The following CDK6 variants were observed in gnomAD, a reference collection of about 807,000 sequenced individuals.
CDK6 encodes the protein cyclin dependent kinase 6.
A neutral mutation model predicts 37.1 loss-of-function variants in CDK6; 6 were observed. The observed-to-expected ratio is 0.16, with a 90% CI of 0.09 to 0.32. CDK6 has a LOEUF of 0.32. CDK6 is among the 10% of genes least tolerant of loss of function. The pLI is 1.00. For synonymous variants in CDK6, 160 were observed against 161.3 expected (o/e 0.99, Z 0.06); for missense variants, 224 against 418.9 (o/e 0.53, Z 4.06).
chr7:92,795,489 A>G (rs1800386857), intron 2 of CDK6, among the ~76,000 whole-genome samples: 1 of 152,178 alleles, frequency 6.6e-6, no homozygotes, highest in Non-Finnish European at 1.5e-5. Context: ...ATGTGTTACA[A>G]TGACAATGTG....
At chr7:92,723,666 C>T (rs1798419235) in intron 4 of CDK6, among the ~76,000 whole-genome samples, 1 of 152,130 alleles carries the variant, frequency 6.6e-6, no homozygotes, top group Admixed American at 6.6e-5. Context: ...AACCGTCACT[C>T]TTTCCAATAA....
chr7:92,682,068 C>T (rs375159508), intron 4 of CDK6, among the ~76,000 whole-genome samples: 8 of 152,112 alleles, frequency 5.3e-5, no homozygotes, highest in East Asian at 1.9e-4. Flanking sequence ...CATCAGATCC[C>T]GACAATTCCA....
chr7:92,713,632 T>A (rs1798152839), intron 4 of CDK6, among the ~76,000 whole-genome samples: 1 of 140,696 alleles, frequency 7.1e-6, no homozygotes. Flanking sequence ...AAATACCAAG[T>A]CAATTTGTTT....
At chr7:92,819,088 T>C (rs573406950) in intron 2 of CDK6, among the ~76,000 whole-genome samples, 1 of 152,142 alleles carries the variant, frequency 6.6e-6, no homozygotes, top group South Asian at 2.1e-4. Context: ...GAAGCATATG[T>C]CATATCAATA....
At chr7:92,768,056 CAGA>C (rs1410242782) in intron 3 of CDK6, among the ~76,000 whole-genome samples, 3 of 152,042 alleles carry the variant, frequency 2.0e-5, no homozygotes, top group Middle Eastern at 6.8e-3. Flanking sequence ...TGGAGAAGGG[CAGA>C]AGAACTAAAA....
chr7:92,832,761 C>T (rs1801523809), intron 2 of CDK6, among the ~76,000 whole-genome samples: 1 of 152,170 alleles, frequency 6.6e-6, no homozygotes, highest in Admixed American at 6.5e-5. Context: ...CTCAGGTTGG[C>T]TTATCCTGTC....
rs573706455 is a variant in CDK6 at position 92,674,314 on chromosome 7, C to A, written c.538-2779G>T. On this transcript the variant is annotated intron_variant, in intron 4 of 7. Transcript: ENST00000424848. ...ACCCTGTTGCAGCACCAGCTGCTAT[C>A]TGAAAATCATACCTTGTAACATAGC... Among the ~76,000 whole-genome samples the A allele has an allele frequency of 2.6e-5, 4 of 152,304 alleles. No individual in the cohort carries two copies. In the East Asian group the frequency reaches 7.7e-4, roughly 29 times the overall value.
chr7:92,771,871 A>G (rs1799726429), intron 3 of CDK6, among the ~76,000 whole-genome samples: 1 of 152,220 alleles, frequency 6.6e-6, no homozygotes. Flanking sequence ...AAATGAGCCT[A>G]TATAACAACA....
intron 3 of CDK6, among the ~76,000 whole-genome samples, chr7:92,745,048 T>C (rs1328761644): frequency 3.3e-5 from 5 of 152,190 alleles, no homozygotes; most frequent in African/African-American, 1.2e-4. Flanking sequence ...TGTGGAATGA[T>C]TAAATCAAGC....
At chr7:92,661,594 A>G (rs189680746) in intron 5 of CDK6, among the ~76,000 whole-genome samples, 182 of 152,316 alleles carry the variant, frequency 1.2e-3, no homozygotes, top group Non-Finnish European at 2.1e-3. Flanking sequence ...ATGAGAAAAT[A>G]TATTTACTAT....
At chr7:92,742,613 C>CTCTT (rs1213747054) in intron 3 of CDK6, among the ~76,000 whole-genome samples, 1 of 152,144 alleles carries the variant, frequency 6.6e-6, no homozygotes, top group African/African-American at 2.4e-5. Context: ...CAACCTTAGA[C>CTCTT]TCTTCATTCA....
chr7:92,625,320 T>C (rs940326924), intron 5 of CDK6, among the ~76,000 whole-genome samples: 1 of 151,294 alleles, frequency 6.6e-6, no homozygotes, highest in Non-Finnish European at 1.5e-5. Context: ...CACAGTGAAG[T>C]AGAAAGGAAG....
chr7:92,720,106 C>G (rs141935686), intron 4 of CDK6, among the ~76,000 whole-genome samples: 2 of 152,248 alleles, frequency 1.3e-5, no homozygotes, highest in Non-Finnish European at 1.5e-5. Flanking sequence ...AAAAAGAAAA[C>G]CAGGAGGCAC....
chr7:92,631,195 T>TAGGG (rs1409764022), intron 5 of CDK6, among the ~76,000 whole-genome samples: 1 of 152,090 alleles, frequency 6.6e-6, no homozygotes, highest in African/African-American at 2.4e-5. Flanking sequence ...GGCCCAGGAA[T>TAGGG]AGGGTAACCA....
intron 2 of CDK6, among the ~76,000 whole-genome samples, chr7:92,827,488 C>T (rs1334569736): frequency 6.6e-6 from 1 of 152,176 alleles, no homozygotes; most frequent in African/African-American, 2.4e-5. Flanking sequence ...CAGGCAAGAG[C>T]AGCTACATGT....
At chr7:92,836,071 A>G (rs1000531085) in intron 1 of CDK6, among the ~76,000 whole-genome samples, 3 of 152,096 alleles carry the variant, frequency 2.0e-5, no homozygotes, top group Non-Finnish European at 4.4e-5. Context: ...GAGTCCCTAG[A>G]GGCAGTGCAT....
At chr7:92,829,954 G>A (rs1417121499) in intron 2 of CDK6, among the ~76,000 whole-genome samples, 3 of 152,202 alleles carry the variant, frequency 2.0e-5, no homozygotes, top group African/African-American at 7.2e-5. Context: ...CCACCTTCTA[G>A]AAGAGTCTGG....
In CDK6 at chr7:92,835,821, G is replaced by A. The variant is rs1020290350; in HGVS notation, c.-368+657C>T. ...CAGGGCTGCTCACTGCGGGGCGTGT[G>A]TTTAACTCCAATATTTTAAATTATA... On this transcript the variant is annotated intron_variant, in intron 1 of 7. Transcript: ENST00000424848. The surrounding 1 kb of genome is among the most constrained non-coding windows in gnomAD (Gnocchi z 4.2). 5.3e-5 allele frequency among the ~76,000 whole-genome samples: 8 copies of A among 152,246 alleles called. No individual in the cohort carries two copies. Among genetic ancestry groups the A allele is most frequent in the Non-Finnish European group, 1.0e-4 (7 of 68,052 alleles).
At position 92,803,205 on chromosome 7, in the gene CDK6, G is replaced by T. The variant is rs117898238; in HGVS notation, c.234-28374C>A. ...GCACTTATTAAGTACTTGCAATATG[G>T]TTAGCAGTATGTGAACCTTCAATAA... On this transcript the variant is annotated intron_variant, in intron 2 of 7. Coordinates refer to ENST00000424848, the MANE Select transcript of CDK6 (RefSeq NM_001145306.2). Among the ~76,000 whole-genome samples, 1,290 of 152,200 alleles carry T rather than the reference G, an allele frequency of 8.5e-3. 14 individuals carry two copies. Among genetic ancestry groups the T allele is most frequent in the Admixed American group, 9.8e-3 (150 of 15,282 alleles).
Sources: allele counts gnomAD v4.1 joint callset (sites outside exome capture counted in the v4.1 genomes callset), GRCh38; gene constraint gnomAD v4.1.1; non-coding constraint Gnocchi (gnomAD v3.1); transcripts MANE v1.5; gene names NCBI Gene and HGNC (gene_info 2026-07-23, HGNC 2026-07-21).